The following GPR15LG variants were observed in gnomAD, a reference collection of about 807,000 sequenced individuals.
The protein encoded by GPR15LG is protein GPR15LG.
the GPR15LG span, chr10:84,184,533 A>G: frequency 1.3e-5 from 11 of 833,158 alleles, no homozygotes; most frequent in South Asian, 1.6e-5. Context: ...AGGGAAAAGC[A>G]TAAGATCTAA....
the GPR15LG span, among the ~76,000 whole-genome samples, chr10:84,175,713 C>CGAGGTCTCTCT: frequency 6.6e-6 from 1 of 152,132 alleles, no homozygotes; most frequent in African/African-American, 2.4e-5. Flanking sequence ...TCTAAGTTGC[C>CGAGGTCTCTCT]CAGGCTGGTC....
At chr10:84,184,824 C>A in the GPR15LG span, 2 of 1,604,490 alleles carry the variant, frequency 1.2e-6, no homozygotes, top group Admixed American at 3.5e-5. Flanking sequence ...CCTGAGGTAC[C>A]CAGCAGCCTC....
At chr10:84,178,062 GAC>G in the GPR15LG span, among the ~76,000 whole-genome samples, 7 of 150,208 alleles carry the variant, frequency 4.7e-5, no homozygotes, top group South Asian at 1.3e-3. Context: ...ACACACTACA[GAC>G]ACACAGACAC....
the GPR15LG span, among the ~76,000 whole-genome samples, chr10:84,180,182 A>C: frequency 6.6e-6 from 1 of 152,214 alleles, no homozygotes; most frequent in African/African-American, 2.4e-5. Context: ...TGTTTCAGAG[A>C]GCACAGGGTT....
chr10:84,181,817 G>A, the GPR15LG span, among the ~76,000 whole-genome samples: 1 of 152,222 alleles, frequency 6.6e-6, no homozygotes, highest in East Asian at 1.9e-4. Flanking sequence ...GGCTGCCCAG[G>A]CTTAAGCTGG....
At chr10:84,184,801 C>G in the GPR15LG span, 22 of 1,612,380 alleles carry the variant, frequency 1.4e-5, no homozygotes, top group East Asian at 2.2e-5. Flanking sequence ...AGCGGAGAAC[C>G]TCATGCCTGG....
At chr10:84,181,865 A>C in the GPR15LG span, among the ~76,000 whole-genome samples, 1 of 152,188 alleles carries the variant, frequency 6.6e-6, no homozygotes, top group Admixed American at 6.5e-5. Context: ...ACCAGCCAGG[A>C]AGTACTGTGG....
chr10:84,176,570 G>T, the GPR15LG span: 1 of 1,612,092 alleles, frequency 6.2e-7, no homozygotes. Flanking sequence ...AACCTGAAAG[G>T]TAAGTACCCC....
chr10:84,183,583 G>T, the GPR15LG span, among the ~76,000 whole-genome samples: 24 of 151,620 alleles, frequency 1.6e-4, no homozygotes, highest in Non-Finnish European at 2.2e-4. Context: ...ATAACCACAG[G>T]GTTTTGTCCC....
the GPR15LG span, among the ~76,000 whole-genome samples, chr10:84,181,158 T>G: frequency 2.2e-5 from 3 of 136,520 alleles, no homozygotes; most frequent in Non-Finnish European, 4.7e-5. Flanking sequence ...AGGGCTGGGC[T>G]CAGCATCAGA....
the GPR15LG span, among the ~76,000 whole-genome samples, chr10:84,183,797 C>A: frequency 2.6e-5 from 4 of 152,058 alleles, no homozygotes; most frequent in African/African-American, 9.7e-5. Flanking sequence ...AGGCGTGCGC[C>A]ACCATGCCTG....
chr10:84,184,823 C>T, the GPR15LG span: 1 of 1,606,892 alleles, frequency 6.2e-7, no homozygotes, highest in African/African-American at 1.3e-5. Flanking sequence ...ACCTGAGGTA[C>T]CCAGCAGCCT....
chr10:84,184,923 C>T, the GPR15LG span: 1 of 1,477,442 alleles, frequency 6.8e-7, no homozygotes, highest in Non-Finnish European at 8.9e-7. Context: ...AGTTCCAGAA[C>T]TCCACGTCCT....
At chr10:84,184,873 T>C in the GPR15LG span, 1 of 1,534,398 alleles carries the variant, frequency 6.5e-7, no homozygotes. Flanking sequence ...TGAGCTGCAA[T>C]GTTGGAGGGC....
the GPR15LG span, among the ~76,000 whole-genome samples, chr10:84,179,064 T>C: frequency 6.6e-5 from 10 of 152,328 alleles, no homozygotes; most frequent in African/African-American, 2.4e-4. Context: ...AGCCGGTGTA[T>C]GAAGACATGC....
chr10:84,184,993 C>T, the GPR15LG span: 8 of 1,377,296 alleles, frequency 5.8e-6, no homozygotes, highest in Non-Finnish European at 7.5e-6. Flanking sequence ...CCCACAGGGC[C>T]TCAGTCGCCA....
At chr10:84,180,531 T>G in the GPR15LG span, among the ~76,000 whole-genome samples, 4 of 151,110 alleles carry the variant, frequency 2.6e-5, no homozygotes, top group Non-Finnish European at 5.9e-5. Flanking sequence ...AGATGATGGG[T>G]GGCTGGGCAG....
At chr10:84,181,241 T>A in the GPR15LG span, among the ~76,000 whole-genome samples, 4 of 23,062 alleles carry the variant, frequency 1.7e-4, no homozygotes, top group Admixed American at 3.9e-4. Context: ...AAAAATTAAA[T>A]TTTTTTTTTT....
the GPR15LG span, among the ~76,000 whole-genome samples, chr10:84,178,424 A>C: frequency 6.6e-6 from 1 of 151,830 alleles, no homozygotes. Context: ...CACATACCAC[A>C]CAACTATACA....
Sources: gnomAD v4.1 joint callset for allele counts (sites outside exome capture counted in the v4.1 genomes callset) on GRCh38, gnomAD v4.1.1 for gene constraint, MANE v1.5 for transcripts, NCBI Gene and HGNC (gene_info 2026-07-23, HGNC 2026-07-21) for gene names.